Variants in DMD observed in about 807,000 individuals in gnomAD.
DMD encodes the protein dystrophin.
DMD carries 63 observed loss-of-function variants against 330.1 expected under a neutral mutation model. The ratio of observed to expected loss-of-function variants is 0.19; its 90% CI spans 0.16 to 0.24. DMD has a LOEUF of 0.24. Among genes scored for constraint, DMD ranks in the 10% least tolerant of loss-of-function variants. DMD has a pLI of 1.00. For missense variants in DMD, 3,344 were observed against 2,684.1 expected (o/e 1.25, Z -5.43); for synonymous variants, 1,223 against 959.8 (o/e 1.27, Z -5.07).
intron 44 of DMD, among the ~76,000 whole-genome samples, chrX:32,216,350 A>T (rs1344946510): frequency 8.9e-6 from 1 of 111,858 alleles, no homozygotes. Flanking sequence ...TATCATCCAT[A>T]TGCTGTTTCC....
chrX:32,190,585 T>TATATATATATA (rs1569549819), intron 44 of DMD, among the ~76,000 whole-genome samples: 115 of 94,177 alleles, frequency 1.2e-3, no homozygotes, highest in South Asian at 2.0e-3. Flanking sequence ...TATATATATA[T>TATATATATATA]TTCACCACAA....
chrX:31,709,976 T>A (rs1305700531), intron 52 of DMD, among the ~76,000 whole-genome samples: 1 of 111,639 alleles, frequency 9.0e-6, no homozygotes, highest in Non-Finnish European at 1.9e-5. Context: ...TAAAAGAGAT[T>A]GTGGATAGTA....
intron 7 of DMD, among the ~76,000 whole-genome samples, chrX:32,728,759 G>A (rs1021141255): frequency 9.0e-6 from 1 of 111,227 alleles, no homozygotes; most frequent in Non-Finnish European, 1.9e-5. Flanking sequence ...GAATCTCTTG[G>A]CTTCAGTGAG....
At chrX:33,211,614 C>T (rs886043397), upstream of DMD, 2 of 939,629 alleles carry the variant, frequency 2.1e-6, no homozygotes, top group Non-Finnish European at 2.7e-6. Flanking sequence ...GCAAGTGACC[C>T]GCCTTCTCTC....
intron 55 of DMD, among the ~76,000 whole-genome samples, chrX:31,605,535 G>C (rs1395654616): frequency 9.0e-6 from 1 of 111,389 alleles, no homozygotes; most frequent in Non-Finnish European, 1.9e-5. Context: ...TTTATTTTTA[G>C]GACATGAATG....
chrX:31,284,996 G>A (rs756481358), intron 62 of DMD, among the ~76,000 whole-genome samples: 10 of 110,185 alleles, frequency 9.1e-5, no homozygotes, highest in African/African-American at 2.6e-4. Context: ...CGAGATTTTC[G>A]ATATTAAAAC....
intron 2 of DMD, among the ~76,000 whole-genome samples, chrX:32,940,680 G>T (rs950071960): frequency 2.7e-5 from 3 of 111,612 alleles, no homozygotes; most frequent in African/African-American, 9.8e-5. Flanking sequence ...TTAAATGTAA[G>T]ACCTCAAACT....
chrX:32,516,891 A>G (rs1490796505), intron 18 of DMD: 1 of 112,175 alleles, frequency 8.9e-6, no homozygotes, highest in Admixed American at 9.4e-5. Flanking sequence ...AATGCTGACA[A>G]CAGCATGTCT....
intron 67 of DMD, among the ~76,000 whole-genome samples, chrX:31,203,288 GAAAAAA>G (rs775067715): frequency 5.7e-5 from 4 of 69,671 alleles, no homozygotes; most frequent in Admixed American, 2.1e-4. Flanking sequence ...ACTCAAAAAA[GAAAAAA>G]AAAAAAAAAA....
intron 62 of DMD, among the ~76,000 whole-genome samples, chrX:31,314,746 G>C (rs923767036): frequency 1.6e-3 from 48 of 29,880 alleles, no homozygotes; most frequent in East Asian, 0.015. Context: ...CATACACAGA[G>C]AGAGAGAGAG....
chrX:31,745,416 C>T (rs1475773832), intron 51 of DMD, among the ~76,000 whole-genome samples: 5 of 111,367 alleles, frequency 4.5e-5, no homozygotes, highest in Admixed American at 2.9e-4. Flanking sequence ...CAGAAGAATG[C>T]CACAATAAAA....
At chrX:31,889,196 A>G (rs1489546792) in intron 47 of DMD, among the ~76,000 whole-genome samples, 2 of 112,325 alleles carry the variant, frequency 1.8e-5, no homozygotes, top group African/African-American at 3.2e-5. Flanking sequence ...CTCTGCCCTT[A>G]TTACCACACT....
At chrX:32,303,813 C>T (rs2097531458) in intron 42 of DMD, among the ~76,000 whole-genome samples, 2 of 110,331 alleles carry the variant, frequency 1.8e-5, no homozygotes, top group Non-Finnish European at 3.8e-5. Context: ...AAAGGCAACA[C>T]CCTATATAAA....
At chrX:31,173,324 C>T (rs2040188355) in intron 72 of DMD, among the ~76,000 whole-genome samples, 1 of 111,279 alleles carries the variant, frequency 9.0e-6, no homozygotes, top group African/African-American at 3.3e-5. Flanking sequence ...TGTTTAAAAG[C>T]CAGGGTTAGG....
chrX:33,046,849 A>T (rs2094389520), intron 1 of DMD, among the ~76,000 whole-genome samples: 1 of 112,429 alleles, frequency 8.9e-6, no homozygotes, highest in Non-Finnish European at 1.9e-5. Context: ...AATGTTGAAC[A>T]TCTACAAATT....
chrX:31,471,407 T>C lies in DMD; in HGVS notation c.8937+6699A>G, dbSNP rs113539779. Reference sequence around the variant, plus strand: ...GGCTTCTGTTGGCTAGGGGAGGGAATTCCCTGACCCCTTGTGCTTCCGGGG... The same window carrying C: ...GGCTTCTGTTGGCTAGGGGAGGGAACTCCCTGACCCCTTGTGCTTCCGGGG... On this transcript the variant is annotated intron_variant, in intron 59 of 78. Coordinates refer to ENST00000357033, the MANE Select transcript of DMD (RefSeq NM_004006.3). Among the ~76,000 whole-genome samples the C allele has an allele frequency of 3.4e-3, 384 of 111,591 alleles. 2 individuals carry two copies. Among genetic ancestry groups the C allele is most frequent in the African/African-American group, 0.012 (360 of 30,758 alleles).
intron 74 of DMD, among the ~76,000 whole-genome samples, chrX:31,149,277 T>A (rs751296464): frequency 3.6e-5 from 4 of 112,186 alleles, no homozygotes; most frequent in Non-Finnish European, 7.5e-5. Context: ...TGTCCATAAA[T>A]ATACAGGTGT....
intron 55 of DMD, among the ~76,000 whole-genome samples, chrX:31,566,059 T>C (rs1485920379): frequency 9.0e-6 from 1 of 111,704 alleles, no homozygotes; most frequent in Non-Finnish European, 1.9e-5. Flanking sequence ...TATCAGTCTG[T>C]AGCTTGTCTT....
intron 25 of DMD, among the ~76,000 whole-genome samples, chrX:32,458,836 G>T (rs1036610388): frequency 3.6e-5 from 4 of 111,081 alleles, no homozygotes; most frequent in Non-Finnish European, 7.6e-5. Context: ...TTTTAATCAG[G>T]TTATTTTTCA....
Sources: allele counts gnomAD v4.1 joint callset (sites outside exome capture counted in the v4.1 genomes callset), GRCh38; gene constraint gnomAD v4.1.1; transcripts MANE v1.5; gene names NCBI Gene and HGNC (gene_info 2026-07-23, HGNC 2026-07-21).